WLS: variants seen among roughly 807,000 people sequenced by gnomAD.
WLS encodes the protein protein wntless homolog.
A neutral mutation model predicts 62.8 loss-of-function variants in WLS; 23 were observed. The observed-to-expected ratio is 0.37, with a 90% CI of 0.26 to 0.52. The LOEUF (loss-of-function observed/expected upper bound fraction) is 0.52, where lower values mean the gene tolerates loss of function less well. Among genes scored for constraint, WLS ranks in the 20% least tolerant of loss-of-function variants. The pLI, the probability that WLS is intolerant of heterozygous loss-of-function variation, is 0.92. For synonymous variants in WLS, 246 were observed against 244.1 expected (o/e 1.01, Z -0.07); for missense variants, 615 against 697.3 (o/e 0.88, Z 1.33).
chr1:68,100,944 C>T (rs1406605437), intron 11 of WLS, among the ~76,000 whole-genome samples: 1 of 152,126 alleles, frequency 6.6e-6, no homozygotes, highest in Non-Finnish European at 1.5e-5. Flanking sequence ...ATGCGAGCAT[C>T]CCCCACTTCC....
chr1:68,162,519 C>T (rs1646993016), intron 2 of WLS: 6 of 1,612,696 alleles, frequency 3.7e-6, no homozygotes, highest in Non-Finnish European at 2.5e-6. Flanking sequence ...CCGCCTACCC[C>T]CTGCGATCAA....
chr1:68,103,580 A>G (rs2100296866), intron 11 of WLS, among the ~76,000 whole-genome samples: 1 of 152,302 alleles, frequency 6.6e-6, no homozygotes, highest in African/African-American at 2.4e-5. Flanking sequence ...AAGAGGATAA[A>G]TACTCCATTT....
At chr1:68,165,124 T>G (rs558958035) in intron 2 of WLS, among the ~76,000 whole-genome samples, 1 of 152,232 alleles carries the variant, frequency 6.6e-6, no homozygotes, top group Non-Finnish European at 1.5e-5. Context: ...AAAGGGTGCT[T>G]GGAGAAACAC....
intron 1 of WLS, chr1:68,231,618 G>A (rs1650424120): frequency 2.5e-6 from 1 of 403,296 alleles, no homozygotes; most frequent in Non-Finnish European, 5.1e-6. Flanking sequence ...GGTGGAGTGC[G>A]GCGGGAAAGC....
In WLS at chr1:68,171,666, G is replaced by A. The variant is rs142130106; in HGVS notation, c.380-12419C>T. On this transcript the variant is annotated intron_variant, in intron 2 of 11. Transcript: ENST00000262348. ...ATCATTGAAAAGTCAGGAGACAACA[G>A]ATGCTGGAGAGGATGTGGAGAAATA... Among the ~76,000 whole-genome samples, 404 of 152,322 alleles carry A rather than the reference G, an allele frequency of 2.7e-3. 10 individuals carry two copies. The East Asian group carries it at 0.058, about 22-fold the overall frequency.
chr1:68,228,887 GTTTT>G (rs1236946364), intron 1 of WLS, among the ~76,000 whole-genome samples: 1 of 87,378 alleles, frequency 1.1e-5, no homozygotes, highest in Non-Finnish European at 2.3e-5. Flanking sequence ...AAAAAAATGT[GTTTT>G]TTTTTGTTTT....
At chr1:68,203,042 A>T (rs984313480) in intron 1 of WLS, 2 of 152,248 alleles carry the variant, frequency 1.3e-5, no homozygotes, top group Non-Finnish European at 2.9e-5. Context: ...CAAGTTTCCA[A>T]CATTTGTTAT....
intron 1 of WLS, among the ~76,000 whole-genome samples, chr1:68,196,569 G>A (rs2116046): frequency 0.59 from 89,803 of 151,940 alleles, 26,915 homozygotes; most frequent in Admixed American, 0.64. Flanking sequence ...TCTAATGTTC[G>A]AATCCACATT....
At chr1:68,098,738 C>T (rs1338874157) in exon 12 of WLS, 2 of 1,613,562 alleles carry the variant, frequency 1.2e-6, no homozygotes, top group Non-Finnish European at 1.7e-6. Flanking sequence ...CCTCGATTTA[C>T]ATGGGAGTTG....
intron 2 of WLS, among the ~76,000 whole-genome samples, chr1:68,185,189 T>C (rs1647850467): frequency 6.6e-6 from 1 of 152,218 alleles, no homozygotes; most frequent in African/African-American, 2.4e-5. Context: ...CCCATAAGAC[T>C]GCTCCCCACT....
At chr1:68,139,884 C>T (rs951121633) in intron 10 of WLS, among the ~76,000 whole-genome samples, 1 of 152,342 alleles carries the variant, frequency 6.6e-6, no homozygotes, top group East Asian at 1.9e-4. Flanking sequence ...CAAAGTATTG[C>T]AGTCCACAAG....
chr1:68,142,153 T>C (rs1646695251), intron 10 of WLS, among the ~76,000 whole-genome samples: 1 of 152,228 alleles, frequency 6.6e-6, no homozygotes, highest in Non-Finnish European at 1.5e-5. Context: ...CCTGGCAACA[T>C]GCAGCTGCTT....
chr1:68,110,959 T>G (rs1256714595), intron 11 of WLS, among the ~76,000 whole-genome samples: 1 of 152,138 alleles, frequency 6.6e-6, no homozygotes, highest in African/African-American at 2.4e-5. Flanking sequence ...ATTTAGAATA[T>G]TTTTATAATC....
chr1:68,136,734 G>A (rs1183472012), intron 11 of WLS, among the ~76,000 whole-genome samples: 5 of 152,210 alleles, frequency 3.3e-5, no homozygotes, highest in Admixed American at 6.5e-5. Context: ...AGAAGATGCT[G>A]CATTTTGACT....
At chr1:68,126,403 T>G in intron 11 of WLS, 68 bp from the exon 12 acceptor site, 1 of 1,592,516 alleles carries the variant, frequency 6.3e-7, no homozygotes, top group Non-Finnish European at 8.6e-7. Context: ...GTTCATCTCA[T>G]GGACAACTGC....
Position 68,148,136 on chromosome 1 carries a change from G to A in WLS, c.1134C>T (p.Ala378=), listed in dbSNP as rs138033241. ...IWTTDIGTEL[A]MAFIIVAGIC... Reference sequence around the variant, plus strand: ...CCCTGAGCCCATCAAGGAAGGATACGGCCAGCTCTGTTCCAATGTCTGTAG... The same window carrying A: ...CCCTGAGCCCATCAAGGAAGGATACAGCCAGCTCTGTTCCAATGTCTGTAG... The change falls in exon 8 of 12, where the codon GCC becomes GCT. Residue 378 remains alanine (A), a splice_region_variant and synonymous_variant. Transcript: ENST00000262348. The A allele has an allele frequency of 2.0e-4, 315 of 1,614,120 alleles. No homozygotes were observed. In the African/African-American group the frequency reaches 3.7e-3, roughly 19 times the overall value.
intron 6 of WLS, among the ~76,000 whole-genome samples, chr1:68,149,650 T>C (rs1009176817): frequency 1.3e-5 from 2 of 152,200 alleles, no homozygotes; most frequent in African/African-American, 4.8e-5. Context: ...TCTTGAAATA[T>C]GATTTGGTGT....
At chr1:68,226,381 C>T (rs1230743253) in intron 1 of WLS, among the ~76,000 whole-genome samples, 5 of 152,020 alleles carry the variant, frequency 3.3e-5, no homozygotes, top group Non-Finnish European at 7.4e-5. Flanking sequence ...AAAAGGGGTA[C>T]AAAAATACCA....
intron 11 of WLS, among the ~76,000 whole-genome samples, chr1:68,116,214 C>T (rs966426265): frequency 6.6e-6 from 1 of 152,224 alleles, no homozygotes; most frequent in African/African-American, 2.4e-5. Flanking sequence ...CTTGACCCTC[C>T]TGTACCCAGG....
Sources: allele counts gnomAD v4.1 joint callset (sites outside exome capture counted in the v4.1 genomes callset), GRCh38; gene constraint gnomAD v4.1.1; transcripts MANE v1.5; gene names NCBI Gene and HGNC (gene_info 2026-07-23, HGNC 2026-07-21).